USP46: variants seen among roughly 807,000 people sequenced by gnomAD.
USP46 encodes ubiquitin carboxyl-terminal hydrolase 46.
In USP46, 12 loss-of-function variants were observed where a neutral mutation model predicts 44.4. The observed-to-expected ratio is 0.27, with a 90% confidence interval of 0.17 to 0.44. The LOEUF is 0.44. Ranked by LOEUF, USP46 falls within the 20% of genes least tolerant of loss-of-function variation. The pLI is 1.00. For synonymous variants in USP46, 155 were observed against 161.5 expected, an observed-to-expected ratio of 0.96 and a Z score of 0.31; for missense variants, 248 against 444.8, an observed-to-expected ratio of 0.56 and a Z score of 3.98.
At chr4:52,652,072 A>G (rs971908696) in intron 1 of USP46, among the ~76,000 whole-genome samples, 1 of 152,180 alleles carries the variant, frequency 6.6e-6, no homozygotes, top group African/African-American at 2.4e-5. Flanking sequence ...CTGACTTTCA[A>G]GACCTGGAAA....
intron 1 of USP46, among the ~76,000 whole-genome samples, chr4:52,634,146 G>A (rs927512745): frequency 1.0e-4 from 15 of 147,884 alleles, no homozygotes; most frequent in African/African-American, 2.8e-4. Flanking sequence ...ACGCAGTCTC[G>A]CTGTGTCCCC....
intron 5 of USP46, among the ~76,000 whole-genome samples, chr4:52,609,669 T>C (rs1308671646): frequency 6.6e-6 from 1 of 151,896 alleles, no homozygotes; most frequent in African/African-American, 2.4e-5. Context: ...AGATTAGGTG[T>C]GATGTAAAAC....
chr4:52,598,554 A>T, intron 8 of USP46, 74 bp downstream of exon 8: 1 of 1,434,620 alleles, frequency 7.0e-7, no homozygotes, highest in Non-Finnish European at 9.5e-7. Context: ...TATTTTAGAA[A>T]ATGTCTATAC....
At chr4:52,639,834 C>T (rs1182841967) in intron 1 of USP46, among the ~76,000 whole-genome samples, 1 of 148,956 alleles carries the variant, frequency 6.7e-6, no homozygotes, top group Non-Finnish European at 1.5e-5. Flanking sequence ...GTAGCTGGTA[C>T]TACAGGCATA....
intron 1 of USP46, among the ~76,000 whole-genome samples, chr4:52,645,803 G>A (rs190218181): frequency 6.6e-6 from 1 of 152,152 alleles, no homozygotes; most frequent in Admixed American, 6.5e-5. Context: ...CTAGGGGCCT[G>A]GTGGGAGGTG....
chr4:52,619,183 A>T (rs1438627907), intron 4 of USP46, among the ~76,000 whole-genome samples: 1 of 152,178 alleles, frequency 6.6e-6, no homozygotes, highest in Non-Finnish European at 1.5e-5. Context: ...GTCAGCAATG[A>T]ATTACCCCTT....
Position 52,617,186 on chromosome 4 carries a change from A to G in USP46, c.562-6569T>C, listed in dbSNP as rs368180275. On this transcript the variant is annotated intron_variant, in intron 4 of 8. Coordinates refer to ENST00000441222, the MANE Select transcript of USP46 (RefSeq NM_022832.4). ...ACAGTGGCATCTGAGTGGCAGAATC[A>G]TGACTTTTTTATTCATTTCTGTTTC... Among the ~76,000 whole-genome samples, 11 of 152,376 alleles carry G rather than the reference A, an allele frequency of 7.2e-5. No homozygotes were observed. In the East Asian group the frequency reaches 1.3e-3, roughly 19 times the overall value.
intron 1 of USP46, among the ~76,000 whole-genome samples, chr4:52,632,720 G>A (rs1314372748): frequency 6.6e-6 from 1 of 151,298 alleles, no homozygotes; most frequent in Non-Finnish European, 1.5e-5. Context: ...AGAGGCTGAG[G>A]TGGAAGGAGC....
chr4:52,609,949 G>T (rs1444402278), intron 5 of USP46, among the ~76,000 whole-genome samples: 1 of 57,204 alleles, frequency 1.7e-5, no homozygotes, highest in Admixed American at 2.5e-4. Context: ...TTTTTGAGGC[G>T]GAGTTTCGCT....
At chr4:52,624,680 A>G (rs990635360) in intron 4 of USP46, among the ~76,000 whole-genome samples, 1 of 152,202 alleles carries the variant, frequency 6.6e-6, no homozygotes, top group African/African-American at 2.4e-5. Flanking sequence ...CCCAAAATTC[A>G]TACTTTGAAA....
intron 1 of USP46, among the ~76,000 whole-genome samples, chr4:52,638,291 G>A (rs1050624219): frequency 2.6e-5 from 4 of 152,064 alleles, no homozygotes; most frequent in Non-Finnish European, 5.9e-5. Flanking sequence ...TGCTGGCCTT[G>A]AAGAGGGAAG....
chr4:52,659,019 C>CGCCGCCCCA lies in USP46; in HGVS notation c.36+87_36+95dup. 1 of 1,430,388 alleles carries CGCCGCCCCA rather than the reference C, an allele frequency of 7.0e-7. No homozygotes were observed. Among genetic ancestry groups the CGCCGCCCCA allele is most frequent in the Non-Finnish European group, 9.3e-7 (1 of 1,078,912 alleles). The allele number at this position is 1,430,388 out of a possible 1,614,324, so 88.6% of individuals were successfully genotyped here. ...CTGGCGGCGCGGACCCCGCCGCCCC[C>CGCCGCCCCA]GCCGCCCCAGCCACCGGGCGTGTGT... On this transcript the variant is annotated intron_variant, in intron 1 of 8. Transcript: ENST00000441222. The surrounding 1 kb of genome is among the most constrained non-coding windows in gnomAD (Gnocchi z 4.2).
intron 7 of USP46, among the ~76,000 whole-genome samples, chr4:52,600,740 C>A (rs1413664410): frequency 6.6e-6 from 1 of 152,090 alleles, no homozygotes; most frequent in Non-Finnish European, 1.5e-5. Flanking sequence ...CCAGGCTCTG[C>A]CTGCCCTAAG....
intron 4 of USP46, among the ~76,000 whole-genome samples, chr4:52,624,012 C>A (rs1029121469): frequency 6.6e-6 from 1 of 152,002 alleles, no homozygotes; most frequent in Non-Finnish European, 1.5e-5. Flanking sequence ...AAGTACACCA[C>A]AAGAATGTTT....
chr4:52,603,338 G>A (rs1483707289), intron 6 of USP46, among the ~76,000 whole-genome samples: 2 of 152,204 alleles, frequency 1.3e-5, no homozygotes, highest in African/African-American at 2.4e-5. Flanking sequence ...AGGACTGCCC[G>A]CTAAGGTGAC....
chr4:52,621,658 A>G (rs1717380360), intron 4 of USP46, among the ~76,000 whole-genome samples: 1 of 151,990 alleles, frequency 6.6e-6, no homozygotes. Flanking sequence ...TCTGTCTCAC[A>G]CACATAAAAA....
chr4:52,626,015 T>TA lies in USP46; in HGVS notation c.561+2dup, dbSNP rs1717570878. 2 of 1,612,876 alleles carry TA rather than the reference T, an allele frequency of 1.2e-6. No homozygotes were observed. Among genetic ancestry groups the TA allele is most frequent in the South Asian group, 2.2e-5 (2 of 90,894 alleles). ...GCTACATAAGAGCTCCCCTAGTACT[T>TA]ACAGTTTCACAGTTCAAGCATCGAG... On this transcript the variant is annotated splice_region_variant and intron_variant, in intron 4 of 8. Transcript: ENST00000441222.
At chr4:52,633,218 A>G (rs946571055) in intron 1 of USP46, among the ~76,000 whole-genome samples, 12 of 152,192 alleles carry the variant, frequency 7.9e-5, no homozygotes, top group Non-Finnish European at 1.5e-4. Context: ...TACAGTAGAA[A>G]TGGCACACAG....
At position 52,627,910 on chromosome 4, in the gene USP46, A is replaced by T. The variant is rs1016053419; in HGVS notation, c.331+40T>A. On this transcript the variant is annotated intron_variant, in intron 3 of 8. Transcript: ENST00000441222. Reference sequence around the variant, plus strand: ...AGATACAGAACCATCAATTCTCCTTATTTCAGAGGCTTAAATACATTATAC... The same window carrying T: ...AGATACAGAACCATCAATTCTCCTTTTTTCAGAGGCTTAAATACATTATAC... 3.8e-6 allele frequency: 6 copies of T among 1,567,886 alleles called. 1 individual carries two copies. In the East Asian group the frequency reaches 1.4e-4, roughly 36 times the overall value.
Sources: allele counts gnomAD v4.1 joint callset (sites outside exome capture counted in the v4.1 genomes callset), GRCh38; gene constraint gnomAD v4.1.1; non-coding constraint Gnocchi (gnomAD v3.1); transcripts MANE v1.5; gene names NCBI Gene and HGNC (gene_info 2026-07-23, HGNC 2026-07-21).